PIAS1: variants seen among roughly 807,000 people sequenced by gnomAD.
The protein encoded by PIAS1 is E3 SUMO-protein ligase PIAS1.
In PIAS1, 6 loss-of-function variants were observed where a neutral mutation model predicts 71.3. The ratio of observed to expected loss-of-function variants is 0.08; its 90% CI spans 0.05 to 0.17. The LOEUF is 0.17. Ranked by LOEUF, PIAS1 falls within the 10% of genes least tolerant of loss-of-function variation. PIAS1 has a pLI of 1.00. For synonymous variants in PIAS1, 303 were observed against 292.9 expected (o/e 1.03, Z -0.35); for missense variants, 555 against 793.6 (o/e 0.70, Z 3.61).
chr15:68,142,103 A>T, intron 3 of PIAS1, 73 bp downstream of exon 3: 1 of 1,087,932 alleles, frequency 9.2e-7, no homozygotes, highest in Non-Finnish European at 1.4e-6. Flanking sequence ...ATTTTAAAAA[A>T]CAGTGATTGG....
In PIAS1 at chr15:68,086,896, A is replaced by G. The variant is rs2092288190; in HGVS notation, c.469+146A>G. On this transcript the variant is annotated intron_variant, in intron 2 of 13. Transcript: ENST00000249636. This position sits in a 1 kb window ranked among gnomAD's most constrained non-coding sequence, Gnocchi z 7.2. Reference sequence around the variant, plus strand: ...AATAATGAAGATCTTTCAAATTTAGATAAAATCAAATATATAAAAGCTGTC... The same window carrying G: ...AATAATGAAGATCTTTCAAATTTAGGTAAAATCAAATATATAAAAGCTGTC... The G allele has an allele frequency of 1.7e-6, 1 of 577,980 alleles. No homozygotes were observed. The allele number at this position is 577,980 out of a possible 1,614,324, so 35.8% of individuals were successfully genotyped here. A position where few individuals can be genotyped will look rare whatever the true frequency, so the allele number is the denominator to read the frequency against.
In PIAS1 at chr15:68,171,310, G is replaced by T. The variant is rs887829725; in HGVS notation, c.1009-2422G>T. 6.6e-6 allele frequency among the ~76,000 whole-genome samples: 1 copy of T among 152,120 alleles called. No individual in the cohort carries two copies. The highest frequency in any genetic ancestry group is 2.4e-5 in the African/African-American group (1 of 41,402). ...GCCTTCTTCTGGAATACCTCCTGAA[G>T]GACCTGCCTGAGGCTGTTTTACAGT... On this transcript the variant is annotated intron_variant, in intron 8 of 13. Transcript: ENST00000249636. The surrounding 1 kb of genome is among the most constrained non-coding windows in gnomAD (Gnocchi z 4.4).
intron 1 of PIAS1, among the ~76,000 whole-genome samples, chr15:68,066,835 A>G (rs938736206): frequency 2.0e-5 from 3 of 152,204 alleles, no homozygotes; most frequent in Admixed American, 1.3e-4. Flanking sequence ...TTGAATCATA[A>G]TCAGGGAAAA....
At position 68,114,055 on chromosome 15, in the gene PIAS1, CACA is replaced by C. The variant is rs1567047523; in HGVS notation, c.469+27306_469+27308del. 2.5e-5 allele frequency among the ~76,000 whole-genome samples: 3 copies of C among 118,714 alleles called. No homozygotes were observed. In the Admixed American group the frequency reaches 2.6e-4, roughly 10 times the overall value. The allele number at this position is 118,714 out of a possible 152,430, so 77.9% of individuals were successfully genotyped here. ...ACACACACACACACACACACACACA[CACA>C]CACTTATATACATGTATAGTATATT... is the stretch of plus-strand genomic sequence containing the variant. On this transcript the variant is annotated intron_variant, in intron 2 of 13. Coordinates refer to ENST00000249636, the MANE Select transcript of PIAS1 (RefSeq NM_016166.3).
intron 2 of PIAS1, among the ~76,000 whole-genome samples, chr15:68,135,708 C>T (rs1185870906): frequency 4.9e-5 from 3 of 61,492 alleles, no homozygotes; most frequent in African/African-American, 1.2e-4. Flanking sequence ...GGCTGCCGGG[C>T]GGAGACGCTC....
Position 68,173,904 on chromosome 15 carries a change from T to G in PIAS1, c.1169+12T>G. On this transcript the variant is annotated intron_variant, in intron 9 of 13. Coordinates refer to ENST00000249636, the MANE Select transcript of PIAS1 (RefSeq NM_016166.3). The surrounding 1 kb of genome is among the most constrained non-coding windows in gnomAD (Gnocchi z 4.3). The stretch of plus-strand genomic sequence containing the variant: ...CTTATTATTGATGGGTATGTTACTT[T>G]AAGTGTTTTTGGTACCTTGAAATGA... 3 of 1,471,016 alleles carry G rather than the reference T, an allele frequency of 2.0e-6. No individual in the cohort carries two copies. Among genetic ancestry groups the G allele is most frequent in the Non-Finnish European group, 2.7e-6 (3 of 1,093,508 alleles). The allele number at this position is 1,471,016 out of a possible 1,614,324, so 91.1% of individuals were successfully genotyped here.
At chr15:68,087,747 G>C (rs1272812752) in intron 2 of PIAS1, 1 of 308,080 alleles carries the variant, frequency 3.2e-6, no homozygotes, top group East Asian at 8.4e-5. Context: ...GGCAAGTGTT[G>C]AGAACATTTT....
rs577453611 is a variant in PIAS1 at position 68,188,681 on chromosome 15, C to T, written c.*846C>T. The T allele has an allele frequency of 2.6e-4, 39 of 152,230 alleles. No individual in the cohort carries two copies. Among genetic ancestry groups the T allele is most frequent in the African/African-American group, 9.2e-4 (38 of 41,530 alleles). 9.4% of individuals were successfully genotyped at this position (152,230 alleles called of 1,614,324 possible). ...TGTCTGGGTAAGGAGTAGGCTTAGCCGACCTATGAATAATACACTTTAGTC... is the reference window on the plus strand; with the variant it reads ...TGTCTGGGTAAGGAGTAGGCTTAGCTGACCTATGAATAATACACTTTAGTC... On this transcript the variant is annotated 3_prime_UTR_variant, in exon 14 of 14. Transcript: ENST00000249636.
chr15:68,092,822 T>A (rs1291777417), intron 2 of PIAS1, among the ~76,000 whole-genome samples: 1 of 152,200 alleles, frequency 6.6e-6, no homozygotes, highest in East Asian at 1.9e-4. Flanking sequence ...ATCTTGGACT[T>A]CCCAGCTTCC....
chr15:68,166,029 T>C (rs978078075), intron 8 of PIAS1, among the ~76,000 whole-genome samples: 2 of 152,144 alleles, frequency 1.3e-5, no homozygotes, highest in East Asian at 3.8e-4. Flanking sequence ...ATTACAAATA[T>C]TAGTCTTTTG....
At chr15:68,073,138 C>G (rs1249138625) in intron 1 of PIAS1, among the ~76,000 whole-genome samples, 1 of 152,192 alleles carries the variant, frequency 6.6e-6, no homozygotes, top group African/African-American at 2.4e-5. Flanking sequence ...GCCTCAGCCT[C>G]CTGAGTAGCT....
At chr15:68,183,595 T>G (rs776216305) in intron 12 of PIAS1, 35 bp from the exon 13 acceptor site, 2 of 915,378 alleles carry the variant, frequency 2.2e-6, no homozygotes, top group African/African-American at 3.3e-5. Flanking sequence ...TTTCCTTCTT[T>G]TTTTTTTAAA....
At chr15:68,172,953 A>G (rs916396044) in intron 8 of PIAS1, among the ~76,000 whole-genome samples, 1 of 152,214 alleles carries the variant, frequency 6.6e-6, no homozygotes, top group Non-Finnish European at 1.5e-5. Flanking sequence ...TGAGGAAGCA[A>G]TGCAGAGTGT....
rs117218152 is a variant in PIAS1, at chr15:68,109,958, A to G, written c.469+23208A>G. On this transcript the variant is annotated intron_variant, in intron 2 of 13. Coordinates refer to ENST00000249636, the MANE Select transcript of PIAS1 (RefSeq NM_016166.3). ...CTTTGACCATGCCCCATTAAGTTAA[A>G]AAACTTAAATTTAAACAATTTTTAC... Among the ~76,000 whole-genome samples the G allele has an allele frequency of 6.4e-3, 974 of 152,298 alleles. 7 individuals carry two copies. The highest frequency in any genetic ancestry group is 0.035 in the East Asian group (183 of 5,178).
At chr15:68,182,310 AC>A (rs1206577795) in intron 12 of PIAS1, among the ~76,000 whole-genome samples, 1 of 152,006 alleles carries the variant, frequency 6.6e-6, no homozygotes, top group African/African-American at 2.4e-5. Context: ...TAATCTAAGA[AC>A]TTTTTTTTAT....
At chr15:68,098,687 T>C (rs769981541) in intron 2 of PIAS1, among the ~76,000 whole-genome samples, 1 of 152,184 alleles carries the variant, frequency 6.6e-6, no homozygotes, top group Non-Finnish European at 1.5e-5. Flanking sequence ...CTGGGGTAGC[T>C]GCTGCACCTA....
In PIAS1 at chr15:68,176,497, C is replaced by T. The variant is rs765799572; in HGVS notation, c.1324C>T (p.His442Tyr). ...AGGATGCTTGAGCTCCACATTGGAG[C>T]ATCAGGTAGCGTCTCACCACCAGTC... is the stretch of plus-strand genomic sequence containing the variant. Reference protein sequence around the residue: ...VDGCLSSTLEHQVASHHQSSN... With the variant: ...VDGCLSSTLEYQVASHHQSSN... The change falls in exon 11 of 14, where the codon CAT (histidine) becomes TAT (tyrosine). Residue 442 changes from histidine (H) to tyrosine (Y), a missense_variant. Physicochemically the swap from His to Tyr is moderately conservative, Grantham distance 83. This residue lies in a region of PIAS1 where 244 missense variants were observed against 307.5 expected (regional missense o/e 0.79). Coordinates refer to ENST00000249636, the MANE Select transcript of PIAS1 (RefSeq NM_016166.3). The T allele has an allele frequency of 4.7e-5, 76 of 1,604,966 alleles. No homozygotes were observed. Among genetic ancestry groups the T allele is most frequent in the Non-Finnish European group, 6.0e-5 (70 of 1,176,458 alleles).
At chr15:68,089,044 G>A (rs949960872) in intron 2 of PIAS1, among the ~76,000 whole-genome samples, 1 of 152,144 alleles carries the variant, frequency 6.6e-6, no homozygotes, top group Non-Finnish European at 1.5e-5. Context: ...AATGGGACAG[G>A]CACATTTACT....
rs116526300 is a variant in PIAS1, at chr15:68,189,540, T to C, written c.*1705T>C. 1 of 152,190 alleles carries C rather than the reference T, an allele frequency of 6.6e-6. No homozygotes were observed. Among genetic ancestry groups the C allele is most frequent in the African/African-American group, 2.4e-5 (1 of 41,454 alleles). The allele number at this position is 152,190 out of a possible 1,614,324, so 9.4% of individuals were successfully genotyped here. ...TGATAAAATTAATGGTTCTCATGAC[T>C]TGTGTGGCATCTAAAAATAATGTTT... On this transcript the variant is annotated 3_prime_UTR_variant, in exon 14 of 14. Transcript: ENST00000249636.
Sources: gnomAD v4.1 joint callset for allele counts (sites outside exome capture counted in the v4.1 genomes callset) on GRCh38, gnomAD v4.1.1 for gene constraint, gnomAD v4.1.1 regional missense constraint, Gnocchi (gnomAD v3.1) non-coding constraint, MANE v1.5 for transcripts, NCBI Gene and HGNC (gene_info 2026-07-23, HGNC 2026-07-21) for gene names.